SENP2: variants seen among roughly 807,000 people sequenced by gnomAD.
SENP2 encodes sentrin-specific protease 2.
In SENP2, 16 loss-of-function variants were observed where a neutral mutation model predicts 86.3. The observed-to-expected ratio is 0.19, with a 90% CI of 0.13 to 0.28. The LOEUF (loss-of-function observed/expected upper bound fraction) is 0.28, where lower values mean the gene tolerates loss of function less well. Ranked by LOEUF, SENP2 falls within the 10% of genes least tolerant of loss-of-function variation. SENP2 has a pLI of 1.00. For missense variants in SENP2, 552 were observed against 703.0 expected (o/e 0.79, Z 2.43); for synonymous variants, 222 against 238.7 (o/e 0.93, Z 0.64).
At chr3:185,627,468 A>C (rs1484514466) in intron 16 of SENP2, among the ~76,000 whole-genome samples, 1 of 152,104 alleles carries the variant, frequency 6.6e-6, no homozygotes, top group Non-Finnish European at 1.5e-5. Context: ...GCTGGAGTGC[A>C]GTGGCACGAT....
chr3:185,628,171 C>T (rs1042597717), intron 16 of SENP2, among the ~76,000 whole-genome samples: 5 of 151,986 alleles, frequency 3.3e-5, no homozygotes, highest in Non-Finnish European at 7.4e-5. Context: ...GAGTCTTGCT[C>T]TGTTGCCCAG....
chr3:185,605,694 G>T (rs1722490579), intron 5 of SENP2, among the ~76,000 whole-genome samples: 1 of 148,814 alleles, frequency 6.7e-6, no homozygotes, highest in African/African-American at 2.5e-5. Context: ...CCACATAAGT[G>T]ATATTCATTT....
chr3:185,596,400 A>G (rs1463035388), intron 2 of SENP2, among the ~76,000 whole-genome samples: 4 of 152,048 alleles, frequency 2.6e-5, no homozygotes, highest in Non-Finnish European at 4.4e-5. Context: ...CAGAAGGATC[A>G]CTTGAGCCCA....
intron 6 of SENP2, among the ~76,000 whole-genome samples, chr3:185,608,166 C>T (rs893776987): frequency 2.0e-5 from 3 of 152,154 alleles, no homozygotes; most frequent in East Asian, 1.9e-4. Context: ...CTGCCCTCTA[C>T]GAGCTTATAC....
chr3:185,606,900 AT>A, intron 6 of SENP2: 2 of 372,108 alleles, frequency 5.4e-6, no homozygotes, highest in Non-Finnish European at 1.1e-5. Flanking sequence ...TTTTTCAGAA[AT>A]AAAAATTAAA....
intron 6 of SENP2, among the ~76,000 whole-genome samples, chr3:185,607,953 C>T (rs1280711848): frequency 1.3e-5 from 2 of 152,192 alleles, no homozygotes; most frequent in Non-Finnish European, 2.9e-5. Flanking sequence ...TTTTTACTTT[C>T]CTTTTGAGGT....
In SENP2 at chr3:185,611,840, G is replaced by C. The variant is rs1722711726; in HGVS notation, c.817+95G>C. On this transcript the variant is annotated intron_variant, in intron 8 of 16. Coordinates refer to ENST00000296257, the MANE Select transcript of SENP2 (RefSeq NM_021627.3). Reference sequence around the variant, plus strand: ...AGAAAATTGACATTCAAGTGTAGATGGTGTACCAAAATACTGTCAAATCTC... The same window carrying C: ...AGAAAATTGACATTCAAGTGTAGATCGTGTACCAAAATACTGTCAAATCTC... The C allele has an allele frequency of 5.6e-6, 5 of 895,430 alleles. No individual in the cohort carries two copies. The Admixed American group carries it at 1.1e-4, about 20-fold the overall frequency. 55.5% of individuals were successfully genotyped at this position (895,430 alleles called of 1,614,324 possible). A position where few individuals can be genotyped will look rare whatever the true frequency, so the allele number is the denominator to read the frequency against.
intron 13 of SENP2, among the ~76,000 whole-genome samples, chr3:185,619,967 C>T (rs193269245): frequency 3.3e-5 from 5 of 151,924 alleles, no homozygotes; most frequent in Admixed American, 6.6e-5. Flanking sequence ...CGCCTGGCCT[C>T]AAGTGGTTCT....
At chr3:185,592,876 C>T (rs1230514032) in intron 2 of SENP2, among the ~76,000 whole-genome samples, 1 of 152,168 alleles carries the variant, frequency 6.6e-6, no homozygotes, top group East Asian at 1.9e-4. Flanking sequence ...CTTGGCCTCC[C>T]AAAGTGCTGG....
chr3:185,603,219 C>T (rs1383094224), intron 5 of SENP2, among the ~76,000 whole-genome samples: 3 of 152,074 alleles, frequency 2.0e-5, no homozygotes, highest in Non-Finnish European at 4.4e-5. Context: ...GCCCACATTA[C>T]TTATTACTTA....
chr3:185,604,357 A>G (rs917461171), intron 5 of SENP2, among the ~76,000 whole-genome samples: 3 of 152,148 alleles, frequency 2.0e-5, no homozygotes, highest in African/African-American at 7.2e-5. Flanking sequence ...AGTATGGTCC[A>G]GTTGGATGAT....
chr3:185,610,512 G>A (rs1377273312), intron 7 of SENP2, among the ~76,000 whole-genome samples: 1 of 152,122 alleles, frequency 6.6e-6, no homozygotes, highest in Non-Finnish European at 1.5e-5. Context: ...CGAATAATCA[G>A]TTGTGAACTT....
intron 6 of SENP2, chr3:185,606,786 C>A: frequency 1.9e-6 from 1 of 518,740 alleles, no homozygotes; most frequent in Admixed American, 2.3e-5. Flanking sequence ...CTCAGTGAGT[C>A]TGTGACAGGA....
chr3:185,621,741 T>A (rs1016818974), intron 13 of SENP2, 85 bp from the exon 14 acceptor site: 2 of 800,622 alleles, frequency 2.5e-6, no homozygotes, highest in African/African-American at 1.8e-5. Context: ...ATGTATTTTT[T>A]AAAAGATGCT....
chr3:185,598,650 C>A, intron 3 of SENP2, 105 bp downstream of exon 3: 1 of 1,163,948 alleles, frequency 8.6e-7, no homozygotes, highest in East Asian at 2.6e-5. Flanking sequence ...TACTTTTTTC[C>A]AGAAATATCT....
chr3:185,626,114 A>G (rs1486253534), intron 15 of SENP2, among the ~76,000 whole-genome samples, 184 bp from the exon 16 acceptor site: 2 of 152,192 alleles, frequency 1.3e-5, no homozygotes, highest in Non-Finnish European at 2.9e-5. Context: ...GCTATGATCT[A>G]TGTTTTATAC....
Position 185,606,441 on chromosome 3 carries a change from G to A in SENP2, c.561G>A (p.Glu187=), listed in dbSNP as rs755061534. The change falls in exon 6 of 17, where the codon GAG becomes GAA. Residue 187 remains glutamate (E), a synonymous_variant. Coordinates refer to ENST00000296257, the MANE Select transcript of SENP2 (RefSeq NM_021627.3). The stretch of plus-strand genomic sequence containing the variant: ...AACCTCAGGAACAGGCTGTAACAGA[G>A]ATGATTTCTGAAGAGAGTGGCAAGG... The part of the protein sequence containing the change: ...MWKPQEQAVT[E]MISEESGKGL... 1.2e-6 allele frequency: 2 copies of A among 1,613,988 alleles called. No homozygotes were observed. The highest frequency in any genetic ancestry group is 4.5e-5 in the East Asian group (2 of 44,874).
At chr3:185,622,977 C>T (rs535644417) in intron 14 of SENP2, among the ~76,000 whole-genome samples, 55 of 151,756 alleles carry the variant, frequency 3.6e-4, no homozygotes, top group Non-Finnish European at 6.5e-4. Flanking sequence ...TCACTATGCC[C>T]GGCTAATTTT....
chr3:185,619,221 C>A, intron 12 of SENP2, 78 bp from the exon 13 acceptor site: 1 of 1,053,524 alleles, frequency 9.5e-7, no homozygotes, highest in South Asian at 1.3e-5. Flanking sequence ...CCTTCGAATT[C>A]ATCCTTATTC....
Sources: gnomAD v4.1 joint callset for allele counts (sites outside exome capture counted in the v4.1 genomes callset) on GRCh38, gnomAD v4.1.1 for gene constraint, MANE v1.5 for transcripts, NCBI Gene and HGNC (gene_info 2026-07-23, HGNC 2026-07-21) for gene names.